NOTCH2: variants seen among roughly 807,000 people sequenced by gnomAD.
NOTCH2 encodes neurogenic locus notch homolog protein 2.
In NOTCH2, 29 loss-of-function variants were observed where a neutral mutation model predicts 235.8. That is an observed-to-expected ratio of 0.12 (90% CI 0.09 to 0.17). The LOEUF (loss-of-function observed/expected upper bound fraction) is 0.17. Ranked by LOEUF, NOTCH2 falls within the 10% of genes least tolerant of loss-of-function variation. The pLI is 1.00. For missense variants in NOTCH2, 2,285 were observed against 3,150.2 expected, an observed-to-expected ratio of 0.73 and a Z score of 6.57; for synonymous variants, 1,086 against 1,141.5, an observed-to-expected ratio of 0.95 and a Z score of 0.98.
At chr1:120,001,520 T>C (rs1339597675) in intron 3 of NOTCH2, among the ~76,000 whole-genome samples, 18 of 152,220 alleles carry the variant, frequency 1.2e-4, no homozygotes, top group African/African-American at 4.3e-4. Flanking sequence ...ACCTGGCTAC[T>C]GCCACTACAG....
At chr1:120,006,261 A>AACT (rs1481863126) in intron 2 of NOTCH2, among the ~76,000 whole-genome samples, 2 of 152,236 alleles carry the variant, frequency 1.3e-5, no homozygotes, top group Non-Finnish European at 2.9e-5. Flanking sequence ...GTTAATATTT[A>AACT]AGTAGTAGGC....
At position 119,915,563 on chromosome 1, in the gene NOTCH2, G is replaced by C. The variant is rs1193431892; in HGVS notation, c.7159C>G (p.Pro2387Ala). 3 of 1,614,086 alleles carry C rather than the reference G, an allele frequency of 1.9e-6. No individual in the cohort carries two copies. The highest frequency in any genetic ancestry group is 4.5e-5 in the East Asian group (2 of 44,878). ...PASVGKYPTP[P>A]SQHSYASSNA... ...GAGGAAGCATAACTGTGCTGTGAAG[G>C]GGGTGTGGGGTACTTGCCCACAGAG... The change falls in exon 34 of 34, where the codon CCT (proline) becomes GCT (alanine). Residue 2387 changes from proline to alanine, a missense_variant. Pro to Ala is a conservative substitution (Grantham distance 27). Coordinates refer to ENST00000256646, the MANE Select transcript of NOTCH2 (RefSeq NM_024408.4).
chr1:119,911,764 C>T lies in NOTCH2; in HGVS notation c.*3542G>A, dbSNP rs1648902716. ...CCAATTCTTGCTATAGCAACTACTT[C>T]GCATTTCCATTGGAAGGCACCTTGT... On this transcript the variant is annotated 3_prime_UTR_variant, in exon 34 of 34. Transcript: ENST00000256646. 3 of 233,160 alleles carry T rather than the reference C, an allele frequency of 1.3e-5. No individual in the cohort carries two copies. Among genetic ancestry groups the T allele is most frequent in the Non-Finnish European group, 2.5e-5 (3 of 118,060 alleles). The allele number at this position is 233,160 out of a possible 1,614,324, so 14.4% of individuals were successfully genotyped here. A position where few individuals can be genotyped will look rare whatever the true frequency, so the allele number is the denominator to read the frequency against.
At chr1:120,041,055 AAAAAAAAAAAAAAAAAATATAT>A (rs1654535961) in intron 1 of NOTCH2, among the ~76,000 whole-genome samples, 1 of 112,726 alleles carries the variant, frequency 8.9e-6, no homozygotes, top group South Asian at 2.8e-4. Context: ...AAAAAAAAAA[AAAAAAAAAAAAAAAAAATATAT>A]ATATATATAT....
intron 19 of NOTCH2, among the ~76,000 whole-genome samples, chr1:119,938,406 T>C (rs1649940678): frequency 6.6e-6 from 1 of 152,226 alleles, no homozygotes; most frequent in Admixed American, 6.5e-5. Context: ...AAGCTATACA[T>C]TCATTTAAGA....
chr1:120,013,735 C>A (rs1653303503), intron 2 of NOTCH2, among the ~76,000 whole-genome samples: 1 of 149,498 alleles, frequency 6.7e-6, no homozygotes, highest in Non-Finnish European at 1.5e-5. Context: ...GGAGATCTTT[C>A]AACTTGCAAA....
At position 119,968,196 on chromosome 1, in the gene NOTCH2, T is replaced by C. The variant is rs782540275; in HGVS notation, c.1145A>G (p.Asn382Ser). The change falls in exon 7 of 34, where the codon AAT becomes AGT. Residue 382 changes from asparagine to serine, a missense_variant. By Grantham distance (46) the Asn-to-Ser change is conservative. Around this residue, in one of 6 missense-constraint regions of NOTCH2, gnomAD observed 431 missense variants for 757.8 expected, o/e 0.57. Transcript: ENST00000256646. ...ACACAGTGCCCCCTTGTGGCAAGGA[T>C]TGCTGATGCATGCATCATCCAGATG... ...LCHLDDACIS[N>S]PCHKGALCDT... 2.0e-5 allele frequency: 32 copies of C among 1,613,998 alleles called. No individual in the cohort carries two copies. Among genetic ancestry groups the C allele is most frequent in the East Asian group, 4.5e-5 (2 of 44,850 alleles).
At chr1:119,919,286 C>A in intron 31 of NOTCH2, 26 bp downstream of exon 31, 4 of 1,593,718 alleles carry the variant, frequency 2.5e-6, no homozygotes, top group East Asian at 2.2e-5. Context: ...AATTATTATT[C>A]AAGTGACTCT....
At chr1:119,918,342 C>T in intron 32 of NOTCH2, 64 bp downstream of exon 32, 1 of 1,583,272 alleles carries the variant, frequency 6.3e-7, no homozygotes. Flanking sequence ...TCACGTAACT[C>T]TATTCCCCTC....
chr1:119,919,538 T>C lies in NOTCH2; in HGVS notation c.5555A>G (p.Glu1852Gly). The C allele has an allele frequency of 6.2e-7, 1 of 1,614,126 alleles. No individual in the cohort carries two copies. The highest frequency in any genetic ancestry group is 8.5e-7 in the Non-Finnish European group (1 of 1,180,026). The change falls in exon 31 of 34, where the codon GAG (glutamate) becomes GGG (glycine). Residue 1852 changes from glutamate to glycine, a missense_variant. This residue lies in a region of NOTCH2 where 1,173 missense variants were observed against 1,515.3 expected (regional missense o/e 0.77). Transcript: ENST00000256646. ...SDLSDEDEDA[E>G]DSSANIITDL... ...TGTGATGATGTTAGCAGAAGAGTCC[T>C]CTGCATCTTCATCTTCATCACTCAA...
rs782399497 is a variant in NOTCH2, at chr1:119,929,173, C to A, written c.3695G>T (p.Gly1232Val). ...CTGACCACCATTAAGGCAATGGGGACCCCGGGCACAGTCATCAATGTTCTC... is the reference window on the plus strand; with the variant it reads ...CTGACCACCATTAAGGCAATGGGGAACCCGGGCACAGTCATCAATGTTCTC... ...CEENIDDCAR[G>V]PHCLNGGQCM... Residue 1232 changes from glycine to valine, a missense_variant, in exon 23 of 34, where the codon GGT becomes GTT. By Grantham distance (109) the Gly-to-Val change is moderately radical. This residue lies in a region of NOTCH2 where 1,173 missense variants were observed against 1,515.3 expected (regional missense o/e 0.77). Coordinates refer to ENST00000256646, the MANE Select transcript of NOTCH2 (RefSeq NM_024408.4). 4.3e-6 allele frequency: 7 copies of A among 1,614,062 alleles called. No individual in the cohort carries two copies. In the African/African-American group the frequency reaches 8.0e-5, roughly 18 times the overall value.
intron 7 of NOTCH2, 77 bp downstream of exon 7, chr1:119,968,000 G>T: frequency 6.4e-7 from 1 of 1,553,668 alleles, no homozygotes. Context: ...TGCTTCTACA[G>T]TAAAATGTGC....
At chr1:119,988,744 T>TGGTGGTGTAGTAGAAGGTCA (rs1553202512) in intron 4 of NOTCH2, among the ~76,000 whole-genome samples, 1 of 152,200 alleles carries the variant, frequency 6.6e-6, no homozygotes, top group Non-Finnish European at 1.5e-5. Context: ...TTGAGAGGTC[T>TGGTGGTGTAGTAGAAGGTCA]GGTGGTGTAG....
intron 2 of NOTCH2, among the ~76,000 whole-genome samples, chr1:120,008,732 T>TA (rs1382859017): frequency 6.6e-6 from 1 of 152,028 alleles, no homozygotes; most frequent in Non-Finnish European, 1.5e-5. Flanking sequence ...TCAACCTTAT[T>TA]AGTTTCCACA....
chr1:119,916,354 G>T lies in NOTCH2; in HGVS notation c.6368C>A (p.Ala2123Glu). 6.2e-7 allele frequency: 1 copy of T among 1,614,182 alleles called. No individual in the cohort carries two copies. The highest frequency in any genetic ancestry group is 2.2e-5 in the East Asian group (1 of 44,874). The change falls in exon 34 of 34, where the codon GCA becomes GAA. Residue 2123 changes from alanine (A) to glutamate (E), a missense_variant. Physicochemically the swap from Ala to Glu is moderately radical, Grantham distance 107. Around this residue, in one of 6 missense-constraint regions of NOTCH2, gnomAD observed 504 missense variants for 538.0 expected, o/e 0.94. Transcript: ENST00000256646. ...CCTCCTACTACCCTTGGCATCCTTT[G>T]CCTCCTTGGCAAGGTTAGGGAGGCT... ...PTSLPNLAKE[A>E]KDAKGSRRKK...
chr1:120,006,940 G>T (rs113301448), intron 2 of NOTCH2, among the ~76,000 whole-genome samples: 2 of 152,216 alleles, frequency 1.3e-5, no homozygotes, highest in African/African-American at 4.8e-5. Flanking sequence ...GGCCAGATAC[G>T]AGGGAACTAA....
At chr1:119,919,802 T>C (rs1002848178) in intron 30 of NOTCH2, among the ~76,000 whole-genome samples, 189 bp from the exon 31 acceptor site, 1 of 152,218 alleles carries the variant, frequency 6.6e-6, no homozygotes, top group Non-Finnish European at 1.5e-5. Flanking sequence ...TAAAGAATAA[T>C]GGGAAAGTAC....
chr1:119,967,749 A>G (rs1557825906), intron 7 of NOTCH2, 128 bp from the exon 8 acceptor site: 4 of 828,762 alleles, frequency 4.8e-6, no homozygotes, highest in Non-Finnish European at 7.8e-6. Context: ...CCAATTTTCT[A>G]TTTTTTTTTC....
At chr1:119,950,908 C>T (rs2101118559) in intron 14 of NOTCH2, 71 bp from the exon 15 acceptor site, 1 of 960,704 alleles carries the variant, frequency 1.0e-6, no homozygotes, top group African/African-American at 1.6e-5. Context: ...AACCAATTCT[C>T]TTTAGGGGTA....
Sources: allele counts gnomAD v4.1 joint callset (sites outside exome capture counted in the v4.1 genomes callset), GRCh38; gene constraint gnomAD v4.1.1; regional missense constraint gnomAD v4.1.1; transcripts MANE v1.5; gene names NCBI Gene and HGNC (gene_info 2026-07-23, HGNC 2026-07-21).